DIP2B: variants seen among roughly 807,000 people sequenced by gnomAD.
DIP2B encodes the protein disco-interacting protein 2 homolog B.
Under a neutral mutation model 198.0 loss-of-function variants are expected in DIP2B, and 76 were observed. That is an observed-to-expected ratio of 0.38 (90% CI 0.32 to 0.46). The LOEUF (loss-of-function observed/expected upper bound fraction) is 0.46, where lower values mean the gene tolerates loss of function less well. DIP2B is among the 20% of genes least tolerant of loss of function. The pLI, the probability that DIP2B is intolerant of heterozygous loss-of-function variation, is 0.99. For synonymous variants in DIP2B, 701 were observed against 739.1 expected, an observed-to-expected ratio of 0.95 and a Z score of 0.84; for missense variants, 1,559 against 1,978.4, an observed-to-expected ratio of 0.79 and a Z score of 4.02.
intron 3 of DIP2B, among the ~76,000 whole-genome samples, chr12:50,646,855 C>A (rs931806421): frequency 6.6e-6 from 1 of 152,166 alleles, no homozygotes; most frequent in African/African-American, 2.4e-5. Context: ...AATCTCTGAT[C>A]TGGTGATGGC....
intron 3 of DIP2B, among the ~76,000 whole-genome samples, chr12:50,655,405 G>A (rs1054458907): frequency 6.6e-6 from 1 of 152,184 alleles, no homozygotes; most frequent in South Asian, 2.1e-4. Context: ...GATTGTTCGG[G>A]TAGTAATACT....
At chr12:50,612,467 C>G (rs1229597568) in intron 1 of DIP2B, among the ~76,000 whole-genome samples, 1 of 150,148 alleles carries the variant, frequency 6.7e-6, no homozygotes, top group Non-Finnish European at 1.5e-5. Context: ...TTGCTCTGTC[C>G]CCCCAGGCTG....
At chr12:50,589,150 C>A (rs1958796939) in intron 1 of DIP2B, among the ~76,000 whole-genome samples, 1 of 151,424 alleles carries the variant, frequency 6.6e-6, no homozygotes, top group Admixed American at 6.6e-5. Context: ...CGCCACTGCA[C>A]TCCAGCCTAG....
chr12:50,638,046 A>T (rs1191886149), intron 2 of DIP2B, among the ~76,000 whole-genome samples: 1 of 152,218 alleles, frequency 6.6e-6, no homozygotes, highest in Non-Finnish European at 1.5e-5. Context: ...AAACCTTTTA[A>T]CATCATCACT....
chr12:50,520,080 C>G (rs1366187568), intron 1 of DIP2B, among the ~76,000 whole-genome samples: 9 of 145,606 alleles, frequency 6.2e-5, no homozygotes, highest in African/African-American at 2.3e-4. Context: ...ACTTGTCACC[C>G]AGGCTGGAGT....
chr12:50,699,298 G>A, intron 19 of DIP2B, 96 bp downstream of exon 19: 1 of 1,527,598 alleles, frequency 6.5e-7, no homozygotes, highest in Non-Finnish European at 8.9e-7. Flanking sequence ...CATAACATGT[G>A]GTTGAGAGTG....
chr12:50,706,648 G>A lies in DIP2B; in HGVS notation c.2517G>A (p.Lys839=), dbSNP rs765498269. ...VATGLAVESI[K]TVYRGRIAVF... is the part of the protein sequence containing the mutation. ...CTGGATTGGCTGTAGAATCAATAAA[G>A]ACTGTTTATAGAGGAAGGTGAGTAG... The change falls in exon 21 of 38, where the codon AAG becomes AAA. Residue 839 remains lysine (K), a synonymous_variant. Coordinates refer to ENST00000301180, the MANE Select transcript of DIP2B (RefSeq NM_173602.3). 1.2e-6 allele frequency: 2 copies of A among 1,614,000 alleles called. No homozygotes were observed. The highest frequency in any genetic ancestry group is 1.7e-6 in the Non-Finnish European group (2 of 1,179,950).
chr12:50,533,554 C>T (rs1958236966), intron 1 of DIP2B, among the ~76,000 whole-genome samples: 1 of 151,798 alleles, frequency 6.6e-6, no homozygotes, highest in South Asian at 2.1e-4. Flanking sequence ...ATTTCACCTA[C>T]AGGAAGTTGT....
At chr12:50,687,914 A>T (rs1230627047) in intron 12 of DIP2B, among the ~76,000 whole-genome samples, 1 of 151,392 alleles carries the variant, frequency 6.6e-6, no homozygotes, top group Non-Finnish European at 1.5e-5. Context: ...AAAAAAAAAA[A>T]TAGAAAAGAG....
At chr12:50,597,587 G>A (rs4562889) in intron 1 of DIP2B, among the ~76,000 whole-genome samples, 11,577 of 152,148 alleles carry the variant, frequency 0.076, 882 homozygotes, top group East Asian at 0.36. Context: ...GATGGGATGC[G>A]TGTTGTCTGA....
intron 1 of DIP2B, among the ~76,000 whole-genome samples, chr12:50,519,071 G>T (rs2139349490): frequency 1.3e-5 from 2 of 152,020 alleles, no homozygotes; most frequent in South Asian, 4.2e-4. Flanking sequence ...TTTTTTGGGG[G>T]GTAGGGCTCC....
intron 1 of DIP2B, among the ~76,000 whole-genome samples, chr12:50,514,710 G>T (rs1958048622): frequency 6.6e-6 from 1 of 152,054 alleles, no homozygotes; most frequent in Non-Finnish European, 1.5e-5. Flanking sequence ...TGTTGCCCAG[G>T]CTGCAGTGTA....
chr12:50,529,416 G>A (rs987687296), intron 1 of DIP2B, among the ~76,000 whole-genome samples: 8 of 152,218 alleles, frequency 5.3e-5, no homozygotes, highest in African/African-American at 1.9e-4. Flanking sequence ...ATTCTGGGAA[G>A]GACTGTCCAA....
At chr12:50,552,318 A>G (rs1160504574) in intron 1 of DIP2B, among the ~76,000 whole-genome samples, 7 of 147,178 alleles carry the variant, frequency 4.8e-5, no homozygotes, top group Middle Eastern at 3.6e-3. Flanking sequence ...CCCAGGCTGG[A>G]GTGCAATGGC....
chr12:50,728,079 A>G (rs971137178), intron 29 of DIP2B, among the ~76,000 whole-genome samples: 3 of 152,242 alleles, frequency 2.0e-5, no homozygotes, highest in Non-Finnish European at 4.4e-5. Context: ...TGATATTTAG[A>G]TATCATAAAA....
intron 13 of DIP2B, among the ~76,000 whole-genome samples, chr12:50,692,689 T>A (rs1402667488): frequency 1.3e-5 from 2 of 151,952 alleles, no homozygotes; most frequent in Admixed American, 6.6e-5. Flanking sequence ...AATACAAAAT[T>A]AGCCGTGCAT....
rs577941501 is a variant in DIP2B, at chr12:50,710,713, C to T, written c.2649+2151C>T. The stretch of plus-strand genomic sequence containing the variant: ...GTGCTGGGATTATAGATGTGAGCCA[C>T]GTCACCTGGCTGCTAGATGACTTTT... On this transcript the variant is annotated intron_variant, in intron 22 of 37. Coordinates refer to ENST00000301180, the MANE Select transcript of DIP2B (RefSeq NM_173602.3). Among the ~76,000 whole-genome samples, 120 of 152,296 alleles carry T rather than the reference C, an allele frequency of 7.9e-4. 1 individual carries two copies. The highest frequency in any genetic ancestry group is 2.4e-4 in the Non-Finnish European group (16 of 68,020).
intron 1 of DIP2B, among the ~76,000 whole-genome samples, chr12:50,581,430 T>C (rs1958723462): frequency 6.7e-6 from 1 of 149,498 alleles, no homozygotes; most frequent in Non-Finnish European, 1.5e-5. Flanking sequence ...AGGCGCCCAA[T>C]AGGAGTGTGA....
chr12:50,593,703 C>T (rs1382833415), intron 1 of DIP2B, among the ~76,000 whole-genome samples: 1 of 46,542 alleles, frequency 2.1e-5, no homozygotes, highest in African/African-American at 9.2e-5. Context: ...CTCCTCTCCT[C>T]TCCCCTCCTC....
Sources: allele counts gnomAD v4.1 joint callset (sites outside exome capture counted in the v4.1 genomes callset), GRCh38; gene constraint gnomAD v4.1.1; transcripts MANE v1.5; gene names NCBI Gene and HGNC (gene_info 2026-07-23, HGNC 2026-07-21).